The following CLEC12B variants were observed in gnomAD, a reference collection of about 807,000 sequenced individuals.
CLEC12B encodes C-type lectin domain family 12 member B, also known as macrophage antigen h.
A neutral mutation model predicts 36.1 loss-of-function variants in CLEC12B; 25 were observed. The ratio of observed to expected loss-of-function variants is 0.69; its 90% confidence interval spans 0.50 to 0.97. The LOEUF (loss-of-function observed/expected upper bound fraction) is 0.97. CLEC12B is among the 50% of genes least tolerant of loss of function. The pLI is 0.00. For synonymous variants in CLEC12B, 110 were observed against 108.5 expected, an observed-to-expected ratio of 1.01 and a Z score of -0.09; for missense variants, 325 against 318.4, an observed-to-expected ratio of 1.02 and a Z score of -0.16.
In CLEC12B at chr12:10,015,647, G is replaced by A. The variant is rs373680539; in HGVS notation, c.600G>A (p.Ser200=). 72 of 1,613,538 alleles carry A rather than the reference G, an allele frequency of 4.5e-5. No individual in the cohort carries two copies. Among genetic ancestry groups the A allele is most frequent in the South Asian group, 4.4e-4 (40 of 91,062 alleles). ...TGTCACAGCCATTACTCATGTTTTC[G>A]TTCTTTTGGCTGGGATTATCATGGG... is the stretch of plus-strand genomic sequence containing the variant. ...FLMSQPLLMF[S]FFWLGLSWDS... The change falls in exon 5 of 6, where the codon TCG becomes TCA. Residue 200 remains serine (S), a synonymous_variant. Coordinates refer to ENST00000338896, the MANE Select transcript of CLEC12B (RefSeq NM_001129998.3).
At position 10,017,825 on chromosome 12, in the gene CLEC12B, A is replaced by G. The variant is rs947930356; in HGVS notation, c.681-506A>G. The G allele has an allele frequency of 6.3e-6, 6 of 955,270 alleles. No homozygotes were observed. The African/African-American group carries it at 7.1e-5, about 11-fold the overall frequency. The allele number at this position is 955,270 out of a possible 1,614,324, so 59.2% of individuals were successfully genotyped here. ...GGAAATGAATACTATTGTCAGAACC[A>G]TATCTATATAGTCAATCATTTCCTC... On this transcript the variant is annotated intron_variant, in intron 5 of 5. Coordinates refer to ENST00000338896, the MANE Select transcript of CLEC12B (RefSeq NM_001129998.3).
At chr12:10,010,371 A>G (rs188574603), upstream of CLEC12B, among the ~76,000 whole-genome samples, 601 of 152,304 alleles carry the variant, frequency 3.9e-3, 4 homozygotes, top group Middle Eastern at 0.024. Flanking sequence ...AGCTAGCCTT[A>G]GATAGATGTA....
chr12:10,006,507 C>G (rs903752089), upstream of CLEC12B, among the ~76,000 whole-genome samples: 1 of 149,534 alleles, frequency 6.7e-6, no homozygotes, highest in Admixed American at 6.7e-5. Flanking sequence ...TAGGACACAA[C>G]AACATCTTAA....
At chr12:10,012,654 A>G (rs1048421187) in intron 1 of CLEC12B, 131 bp from the exon 2 acceptor site, 3 of 647,578 alleles carry the variant, frequency 4.6e-6, no homozygotes, top group Non-Finnish European at 8.1e-6. Context: ...TATTTTCTAA[A>G]TGAGGGCATT....
intron 5 of CLEC12B, 129 bp downstream of exon 5, chr12:10,015,856 TAAC>T (rs949695155): frequency 1.9e-5 from 29 of 1,499,392 alleles, no homozygotes; most frequent in Non-Finnish European, 2.6e-5. Flanking sequence ...AGAGCTCCAG[TAAC>T]AAATATTGAA....
Position 10,014,712 on chromosome 12 carries a change from T to A in CLEC12B, c.380T>A (p.Leu127Gln). 6.2e-7 allele frequency: 1 copy of A among 1,613,194 alleles called. No homozygotes were observed. Among genetic ancestry groups the A allele is most frequent in the Non-Finnish European group, 8.5e-7 (1 of 1,179,340 alleles). Residue 127 changes from leucine to glutamine, a missense_variant, in exon 3 of 6, where the codon CTG becomes CAG. Transcript: ENST00000338896. ...AGGCAGGAACAAATGGCCATCAAAC[T>A]GTGCCAAGAGCTAATCATTCATACT... ...LKRQEQMAIK[L>Q]CQELIIHTSD...
At chr12:10,009,163 G>A (rs118061027), upstream of CLEC12B, among the ~76,000 whole-genome samples, 3,480 of 152,058 alleles carry the variant, frequency 0.023, 54 homozygotes, top group Non-Finnish European at 0.036. Context: ...CAACCCGCTT[G>A]GGACCCCTTC....
intron 1 of CLEC12B, among the ~76,000 whole-genome samples, chr12:10,011,622 G>A (rs2137263928): frequency 6.6e-6 from 1 of 152,192 alleles, no homozygotes; most frequent in Non-Finnish European, 1.5e-5. Flanking sequence ...AGTCTCCATG[G>A]TCAAGACTCT....
chr12:10,009,289 A>G (rs1865269591), upstream of CLEC12B, among the ~76,000 whole-genome samples: 1 of 152,144 alleles, frequency 6.6e-6, no homozygotes, highest in African/African-American at 2.4e-5. Flanking sequence ...CCGCGGCTTC[A>G]TTTTTGAAGT....
intron 5 of CLEC12B, chr12:10,017,729 G>T: frequency 3.4e-6 from 3 of 887,010 alleles, no homozygotes; most frequent in Non-Finnish European, 4.1e-6. Flanking sequence ...TGGGCACAAA[G>T]AAAATTTAGA....
chr12:10,018,352 C>A lies in CLEC12B; in HGVS notation c.702C>A (p.Asp234Glu). ...SPSLFSTKEL[D>E]QINGSKGCAY... ...TCAGATTTAGTACTAAAGAACTTGA[C>A]CAGATCAATGGATCCAAAGGATGTG... The change falls in exon 6 of 6, where the codon GAC becomes GAA. Residue 234 changes from aspartate (D) to glutamate (E), a missense_variant. Coordinates refer to ENST00000338896, the MANE Select transcript of CLEC12B (RefSeq NM_001129998.3). 1 of 1,501,228 alleles carries A rather than the reference C, an allele frequency of 6.7e-7. No individual in the cohort carries two copies. The highest frequency in any genetic ancestry group is 9.0e-7 in the Non-Finnish European group (1 of 1,107,310). 93.0% of individuals were successfully genotyped at this position (1,501,228 alleles called of 1,614,324 possible).
Position 10,010,673 on chromosome 12 carries a change from T to A in CLEC12B, c.-87T>A, listed in dbSNP as rs1195521851. 1.2e-6 allele frequency: 1 copy of A among 809,842 alleles called. No individual in the cohort carries two copies. Among genetic ancestry groups the A allele is most frequent in the Admixed American group, 2.1e-5 (1 of 47,832 alleles). 50.2% of individuals were successfully genotyped at this position (809,842 alleles called of 1,614,324 possible). The stretch of plus-strand genomic sequence containing the variant: ...GTCAGCTGAGTGACTACATCAAAGC[T>A]CCCAGCCTTGAAAAACACATGCTGT... On this transcript the variant is annotated 5_prime_UTR_variant, in exon 1 of 6. Transcript: ENST00000338896.
At position 10,017,693 on chromosome 12, in the gene CLEC12B, G is replaced by T. The variant is rs375796905; in HGVS notation, c.681-638G>T. ...CAAGCAAAGAATATGGCAGTGTAAT[G>T]CAGGTCATTTAGAAAAAAACAATGT... On this transcript the variant is annotated intron_variant, in intron 5 of 5. Coordinates refer to ENST00000338896, the MANE Select transcript of CLEC12B (RefSeq NM_001129998.3). The T allele has an allele frequency of 1.4e-4, 132 of 939,236 alleles. No homozygotes were observed. The East Asian group carries it at 6.2e-3, about 44-fold the overall frequency. The allele number at this position is 939,236 out of a possible 1,614,324, so 58.2% of individuals were successfully genotyped here.
chr12:10,014,673 C>T lies in CLEC12B; in HGVS notation c.341C>T (p.Ser114Phe). 1 of 1,613,428 alleles carries T rather than the reference C, an allele frequency of 6.2e-7. No homozygotes were observed. Among genetic ancestry groups the T allele is most frequent in the Admixed American group, 1.7e-5 (1 of 59,986 alleles). ...GAGGAATTTCTCAAGTCACAGATCT[C>T]CAGTGTACTGAAGAGGCAGGAACAA... ...MEEEFLKSQI[S>F]SVLKRQEQMA... Residue 114 changes from serine (S) to phenylalanine (F), a missense_variant, in exon 3 of 6, where the codon TCC becomes TTC. Coordinates refer to ENST00000338896, the MANE Select transcript of CLEC12B (RefSeq NM_001129998.3).
chr12:10,015,709 C>G lies in CLEC12B; in HGVS notation c.662C>G (p.Ser221Cys), dbSNP rs147064442. The change falls in exon 5 of 6, where the codon TCT becomes TGT. Residue 221 changes from serine (S) to cysteine (C), a missense_variant. Transcript: ENST00000338896. Reference sequence around the variant, plus strand: ...AGAAGTTGGTTCTGGGAAGATGGCTCTGTTCCCTCTCCATCCTTGTACGTC... The same window carrying G: ...AGAAGTTGGTTCTGGGAAGATGGCTGTGTTCCCTCTCCATCCTTGTACGTC... Reference protein sequence around the residue: ...SGRSWFWEDGSVPSPSLFSTK... With the variant: ...SGRSWFWEDGCVPSPSLFSTK... The G allele has an allele frequency of 5.4e-5, 87 of 1,613,690 alleles. No homozygotes were observed. In the African/African-American group the frequency reaches 9.6e-4, roughly 18 times the overall value.
upstream of CLEC12B, among the ~76,000 whole-genome samples, chr12:10,006,812 T>G (rs1443172764): frequency 6.6e-6 from 1 of 152,054 alleles, no homozygotes; most frequent in Non-Finnish European, 1.5e-5. Flanking sequence ...TCTCAGCACT[T>G]TGGGAGGCCG....
chr12:10,017,108 CT>C, intron 5 of CLEC12B: 1 of 985,312 alleles, frequency 1.0e-6, no homozygotes, highest in Non-Finnish European at 1.2e-6. Context: ...CCTGGATACA[CT>C]TTATCTTCAT....
upstream of CLEC12B, among the ~76,000 whole-genome samples, chr12:10,006,470 T>A (rs1865227718): frequency 6.6e-6 from 1 of 151,876 alleles, no homozygotes; most frequent in South Asian, 2.1e-4. Flanking sequence ...TTTTGTTTTT[T>A]TTTTAAGAAG....
Position 10,018,622 on chromosome 12 carries a change from C to T in CLEC12B, c.*141C>T. ...TTATCAGACAAATGAACTTGTTTAACAGAACATTCTCCAGTTCCTTGTCTG... is the reference window on the plus strand; with the variant it reads ...TTATCAGACAAATGAACTTGTTTAATAGAACATTCTCCAGTTCCTTGTCTG... On this transcript the variant is annotated 3_prime_UTR_variant, in exon 6 of 6. Coordinates refer to ENST00000338896, the MANE Select transcript of CLEC12B (RefSeq NM_001129998.3). 5 of 690,424 alleles carry T rather than the reference C, an allele frequency of 7.2e-6. No homozygotes were observed. The South Asian group carries it at 9.2e-5, about 13-fold the overall frequency. The allele number at this position is 690,424 out of a possible 1,614,324, so 42.8% of individuals were successfully genotyped here. A position where few individuals can be genotyped will look rare whatever the true frequency, so the allele number is the denominator to read the frequency against.
Sources: gnomAD v4.1 joint callset for allele counts (sites outside exome capture counted in the v4.1 genomes callset) on GRCh38, gnomAD v4.1.1 for gene constraint, MANE v1.5 for transcripts, NCBI Gene and HGNC (gene_info 2026-07-23, HGNC 2026-07-21) for gene names.